Variants in DLC1 observed in about 807,000 individuals in gnomAD.
DLC1 encodes DLC1 Rho GTPase activating protein, also known as rho GTPase-activating protein 7.
A neutral mutation model predicts 140.3 loss-of-function variants in DLC1; 54 were observed. The ratio of observed to expected loss-of-function variants is 0.38; its 90% CI spans 0.31 to 0.48. DLC1 has a LOEUF of 0.48. DLC1 is among the 20% of genes least tolerant of loss of function. The pLI, the probability that DLC1 is intolerant of heterozygous loss-of-function variation, is 0.96. For synonymous variants in DLC1, 986 were observed against 728.1 expected, an observed-to-expected ratio of 1.35 and a Z score of -5.70; for missense variants, 2,536 against 1,907.0, an observed-to-expected ratio of 1.33 and a Z score of -6.14.
chr8:13,157,305 C>T (rs764379171), intron 5 of DLC1, among the ~76,000 whole-genome samples: 5 of 152,024 alleles, frequency 3.3e-5, no homozygotes, highest in Admixed American at 2.0e-4. Context: ...TTTGAGTAGG[C>T]GGGGTTAGAG....
intron 4 of DLC1, among the ~76,000 whole-genome samples, chr8:13,346,857 A>G (rs924587943): frequency 6.6e-6 from 1 of 152,222 alleles, no homozygotes; most frequent in Non-Finnish European, 1.5e-5. Flanking sequence ...GAAAACCCAG[A>G]CAACAGCAGT....
At chr8:13,221,221 C>T (rs1487490480) in intron 5 of DLC1, among the ~76,000 whole-genome samples, 1 of 152,110 alleles carries the variant, frequency 6.6e-6, no homozygotes, top group African/African-American at 2.4e-5. Flanking sequence ...ATGTTAGACA[C>T]CACTGACCCG....
At chr8:13,269,701 C>CAAAAAAAAAAAAA (rs57030004) in intron 5 of DLC1, among the ~76,000 whole-genome samples, 2 of 99,478 alleles carry the variant, frequency 2.0e-5, no homozygotes, top group Non-Finnish European at 4.0e-5. Flanking sequence ...AAAACTCTGT[C>CAAAAAAAAAAAAA]AAAAAAAAAA....
chr8:13,431,740 T>C (rs1838886464), intron 2 of DLC1, among the ~76,000 whole-genome samples: 2 of 151,928 alleles, frequency 1.3e-5, no homozygotes, highest in Non-Finnish European at 2.9e-5. Context: ...ACGGGTGATA[T>C]GCTTACCTAT....
intron 4 of DLC1, among the ~76,000 whole-genome samples, chr8:13,307,594 A>G (rs1445211442): frequency 6.6e-6 from 1 of 152,224 alleles, no homozygotes; most frequent in Non-Finnish European, 1.5e-5. Flanking sequence ...AAAGTGAACG[A>G]ACAGAAAAAT....
At chr8:13,166,495 C>T (rs1825117756) in intron 5 of DLC1, among the ~76,000 whole-genome samples, 2 of 152,090 alleles carry the variant, frequency 1.3e-5, no homozygotes, top group Admixed American at 6.6e-5. Context: ...TGTGTGCCAC[C>T]ACACCTGGCT....
At chr8:13,301,593 A>G (rs572285898) in intron 5 of DLC1, among the ~76,000 whole-genome samples, 4 of 152,344 alleles carry the variant, frequency 2.6e-5, no homozygotes, top group African/African-American at 9.6e-5. Context: ...GCTCAAGGCC[A>G]TACAGATAGG....
chr8:13,394,840 T>C (rs922575806), intron 3 of DLC1, among the ~76,000 whole-genome samples: 1 of 152,156 alleles, frequency 6.6e-6, no homozygotes, highest in African/African-American at 2.4e-5. Flanking sequence ...CTTGTCCCAG[T>C]ATTTCCCTTT....
intron 4 of DLC1, among the ~76,000 whole-genome samples, chr8:13,336,108 A>G (rs1489076253): frequency 1.3e-5 from 2 of 152,146 alleles, no homozygotes; most frequent in African/African-American, 2.4e-5. Context: ...TTCTTTTGAA[A>G]ATATAATTGA....
chr8:13,359,200 A>G (rs1212256191), intron 4 of DLC1, among the ~76,000 whole-genome samples: 1 of 152,100 alleles, frequency 6.6e-6, no homozygotes, highest in Non-Finnish European at 1.5e-5. Context: ...GGCCTCCCAA[A>G]TTGCTGGGAT....
chr8:13,536,553 A>G (rs1288831402), intron 1 of DLC1, among the ~76,000 whole-genome samples: 1 of 152,200 alleles, frequency 6.6e-6, no homozygotes, highest in Non-Finnish European at 1.5e-5. Context: ...CTCCTATTTT[A>G]GAAATGATTA....
chr8:13,223,982 A>C (rs1411486016), intron 5 of DLC1, among the ~76,000 whole-genome samples: 2 of 152,176 alleles, frequency 1.3e-5, no homozygotes, highest in Admixed American at 6.5e-5. Context: ...GTAAGAAGCT[A>C]TTTCTTTTTG....
chr8:13,521,685 C>T (rs1208338660), intron 1 of DLC1, among the ~76,000 whole-genome samples: 5 of 152,120 alleles, frequency 3.3e-5, no homozygotes, highest in Non-Finnish European at 7.3e-5. Flanking sequence ...ACATTCTCAG[C>T]CCACCATTTG....
intron 5 of DLC1, among the ~76,000 whole-genome samples, chr8:13,200,892 C>A (rs1827345581): frequency 6.6e-6 from 1 of 152,138 alleles, no homozygotes; most frequent in South Asian, 2.1e-4. Flanking sequence ...CCCACTGCAC[C>A]CAGCCCTTCA....
intron 1 of DLC1, among the ~76,000 whole-genome samples, chr8:13,598,587 T>C (rs1333471804): frequency 6.6e-6 from 1 of 152,110 alleles, no homozygotes; most frequent in East Asian, 1.9e-4. Flanking sequence ...AGAGTTACCA[T>C]CCTTTGAAAG....
Position 13,567,899 on chromosome 8 carries a change from A to G in DLC1, c.-126+36638T>C, listed in dbSNP as rs561451447. On this transcript the variant is annotated intron_variant, in intron 1 of 1. Transcript: ENST00000631382. ...TTACCATTTTCTCTGCCATTTCTCA[A>G]GCGACTTACTCTAATCAAACCAGAG... is the stretch of plus-strand genomic sequence containing the variant. The G allele has an allele frequency of 1.8e-5, 28 of 1,552,056 alleles. No homozygotes were observed. In the South Asian group the frequency reaches 2.6e-4, roughly 15 times the overall value.
Position 13,266,903 on chromosome 8 carries a change from C to T in DLC1, c.1348+38366G>A, listed in dbSNP as rs776271106. On this transcript the variant is annotated intron_variant, in intron 5 of 17. Coordinates refer to ENST00000276297, the MANE Select transcript of DLC1 (RefSeq NM_182643.3). ...CCGTGTGCTTTGGGTTTGGCTTCAT[C>T]GCCAGTCTTCCTCATCTTCATTGGT... Among the ~76,000 whole-genome samples the T allele has an allele frequency of 1.3e-4, 20 of 152,294 alleles. No individual in the cohort carries two copies. In the East Asian group the frequency reaches 1.5e-3, roughly 12 times the overall value.
At chr8:13,133,179 C>T (rs1822266980) in intron 5 of DLC1, 6 of 1,432,226 alleles carry the variant, frequency 4.2e-6, no homozygotes, top group South Asian at 1.5e-5. Context: ...AACGAGGGAG[C>T]GCTCAGGGAG....
At chr8:13,344,893 T>A (rs1054278680) in intron 4 of DLC1, among the ~76,000 whole-genome samples, 4 of 152,232 alleles carry the variant, frequency 2.6e-5, no homozygotes, top group Admixed American at 2.6e-4. Context: ...TGTGCACACT[T>A]TTAACCTAAT....
Sources: gnomAD v4.1 joint callset for allele counts (sites outside exome capture counted in the v4.1 genomes callset) on GRCh38, gnomAD v4.1.1 for gene constraint, MANE v1.5 for transcripts, NCBI Gene and HGNC (gene_info 2026-07-23, HGNC 2026-07-21) for gene names.